Variants in IDO2 observed in about 807,000 individuals in gnomAD.
IDO2 encodes the protein indoleamine 2,3-dioxygenase 2, also known as indoleamine 2,3-dioxygenase-like 1 protein.
In IDO2, 46 loss-of-function variants were observed where a neutral mutation model predicts 45.1. The observed-to-expected ratio is 1.02, with a 90% confidence interval of 0.80 to 1.30. The LOEUF (loss-of-function observed/expected upper bound fraction) is 1.30. IDO2 is among the 50% of genes most tolerant of loss of function. The pLI is 0.00. For missense variants in IDO2, 544 were observed against 491.8 expected (o/e 1.11, Z -1.00); for synonymous variants, 218 against 184.9 (o/e 1.18, Z -1.45).
intron 3 of IDO2, among the ~76,000 whole-genome samples, chr8:39,969,843 C>T (rs1268931288): frequency 6.7e-6 from 1 of 149,890 alleles, no homozygotes; most frequent in Non-Finnish European, 1.5e-5. Context: ...CGATTGCACT[C>T]CAGCCAGGGC....
chr8:40,011,888 CA>C (rs1309787477), intron 9 of IDO2, among the ~76,000 whole-genome samples: 5 of 152,202 alleles, frequency 3.3e-5, no homozygotes, highest in African/African-American at 4.8e-5. Flanking sequence ...TGCAGCCTGT[CA>C]GGGCCTGGCA....
chr8:40,001,295 G>C (rs1239100130), intron 8 of IDO2, among the ~76,000 whole-genome samples: 2 of 134,092 alleles, frequency 1.5e-5, no homozygotes, highest in South Asian at 2.5e-4. Context: ...TCTGTTGCAG[G>C]CTAGAGTGCA....
chr8:39,985,547 C>T, intron 6 of IDO2, 25 bp downstream of exon 6: 2 of 1,552,202 alleles, frequency 1.3e-6, no homozygotes, highest in East Asian at 2.4e-5. Flanking sequence ...ATCATTTACG[C>T]ACTTTAGAAT....
At chr8:39,956,740 T>A (rs1365432710) in intron 2 of IDO2, among the ~76,000 whole-genome samples, 1 of 149,528 alleles carries the variant, frequency 6.7e-6, no homozygotes, top group Non-Finnish European at 1.5e-5. Context: ...CTACACTTTT[T>A]AAATCTAAGC....
chr8:39,988,306 G>T (rs535555915), intron 7 of IDO2, among the ~76,000 whole-genome samples: 2 of 152,272 alleles, frequency 1.3e-5, no homozygotes, highest in South Asian at 4.1e-4. Flanking sequence ...TGGATTACAG[G>T]TGTGAGCCAC....
intron 3 of IDO2, among the ~76,000 whole-genome samples, chr8:39,971,542 C>T (rs1364816948): frequency 1.3e-5 from 2 of 152,132 alleles, no homozygotes; most frequent in African/African-American, 4.8e-5. Flanking sequence ...AATGATCCCT[C>T]TGAAGAATCT....
chr8:39,965,887 C>T (rs1173975164), intron 3 of IDO2, among the ~76,000 whole-genome samples: 8 of 78,318 alleles, frequency 1.0e-4, no homozygotes, highest in Non-Finnish European at 2.5e-4. Flanking sequence ...CCTATTGATA[C>T]CTTAATTTGG....
chr8:40,016,031 G>A (rs1802383288), exon 11 of IDO2: 1 of 389,242 alleles, frequency 2.6e-6, no homozygotes. Context: ...ATTAAAACCA[G>A]GATTTCTGTG....
intron 2 of IDO2, among the ~76,000 whole-genome samples, chr8:39,956,912 A>C (rs149653252): frequency 6.6e-6 from 1 of 151,774 alleles, no homozygotes; most frequent in Non-Finnish European, 1.5e-5. Flanking sequence ...ACGTGGTGGT[A>C]TACACCTGTA....
intron 10 of IDO2, among the ~76,000 whole-genome samples, chr8:40,014,610 T>C (rs4617138): frequency 0.79 from 120,921 of 152,204 alleles, 48,769 homozygotes; most frequent in East Asian, 0.98. Flanking sequence ...CATTTGAAGA[T>C]ATTCCTTATA....
chr8:39,972,445 A>G (rs929106812), intron 3 of IDO2, among the ~76,000 whole-genome samples: 8 of 151,890 alleles, frequency 5.3e-5, no homozygotes, highest in Non-Finnish European at 1.2e-4. Flanking sequence ...CACTACCTCT[A>G]CTAAAAATAC....
At position 40,003,730 on chromosome 8, in the gene IDO2, A is replaced by G. The variant is rs1360010172; in HGVS notation, c.668-1597A>G. ...AATTTACAACTTTTATTTCTTTTTA[A>G]TAATTTTTTTCTTATTCTCCTGGCT... On this transcript the variant is annotated intron_variant, in intron 8 of 10. Transcript: ENST00000502986. 3.3e-5 allele frequency among the ~76,000 whole-genome samples: 5 copies of G among 152,214 alleles called. No individual in the cohort carries two copies. The East Asian group carries it at 9.6e-4, about 29-fold the overall frequency.
chr8:39,940,028 T>C (rs1002709682), intron 1 of IDO2, among the ~76,000 whole-genome samples: 6 of 144,424 alleles, frequency 4.2e-5, no homozygotes, highest in Non-Finnish European at 6.1e-5. Context: ...CTGTGATTCA[T>C]GGAAAGCTGA....
intron 1 of IDO2, among the ~76,000 whole-genome samples, chr8:39,935,466 T>TG (rs1807531685): frequency 6.8e-6 from 1 of 147,822 alleles, no homozygotes; most frequent in Non-Finnish European, 1.5e-5. Flanking sequence ...TTGTTGTTGT[T>TG]TTGAGACAGA....
chr8:39,961,447 C>T (rs2543043), intron 2 of IDO2, among the ~76,000 whole-genome samples: 28,655 of 151,294 alleles, frequency 0.19, 2,721 homozygotes, highest in East Asian at 0.27. Context: ...ATCAGCCTCC[C>T]GAGTAGCTGG....
At chr8:39,982,238 A>ATC (rs1554547493) in intron 4 of IDO2, among the ~76,000 whole-genome samples, 5 of 18,308 alleles carry the variant, frequency 2.7e-4, no homozygotes, top group Non-Finnish European at 4.8e-4. Context: ...ATATGTGTGT[A>ATC]TATATATATA....
At chr8:39,953,564 TTTA>T (rs1488537794) in intron 2 of IDO2, among the ~76,000 whole-genome samples, 2 of 152,142 alleles carry the variant, frequency 1.3e-5, no homozygotes, top group African/African-American at 2.4e-5. Context: ...TACTGATTGT[TTTA>T]TTATTATTAT....
exon 11 of IDO2, chr8:40,016,365 T>C (rs1354343380): frequency 2.6e-6 from 1 of 390,186 alleles, no homozygotes; most frequent in Non-Finnish European, 4.5e-6. Context: ...GTGTTTAGTG[T>C]GCAAATAAAT....
intron 2 of IDO2, among the ~76,000 whole-genome samples, chr8:39,953,348 T>A (rs1455064826): frequency 6.6e-6 from 1 of 152,228 alleles, no homozygotes; most frequent in South Asian, 2.1e-4. Flanking sequence ...TAAAAAATAC[T>A]GATGCCGAAG....
Sources: allele counts gnomAD v4.1 joint callset (sites outside exome capture counted in the v4.1 genomes callset), GRCh38; gene constraint gnomAD v4.1.1; transcripts MANE v1.5; gene names NCBI Gene and HGNC (gene_info 2026-07-23, HGNC 2026-07-21).